The following PCBP3 variants were observed in gnomAD, a reference collection of about 807,000 sequenced individuals.
The protein encoded by PCBP3 is poly(rC) binding protein 3.
PCBP3 carries 25 observed loss-of-function variants against 52.7 expected under a neutral mutation model. That is an observed-to-expected ratio of 0.47 (90% CI 0.35 to 0.66). The LOEUF (loss-of-function observed/expected upper bound fraction) is 0.66. Ranked by LOEUF, PCBP3 falls within the 30% of genes least tolerant of loss-of-function variation. PCBP3 has a pLI of 0.01. For missense variants in PCBP3, 391 were observed against 490.3 expected (o/e 0.80, Z 1.91); for synonymous variants, 162 against 183.0 (o/e 0.89, Z 0.93).
chr21:45,692,376 C>T (rs1004610921), intron 2 of PCBP3, among the ~76,000 whole-genome samples: 4 of 151,196 alleles, frequency 2.6e-5, no homozygotes, highest in African/African-American at 7.3e-5. Flanking sequence ...TCTATGAGCT[C>T]ATAGCTAGAA....
At chr21:45,868,021 A>C (rs1286477046) in intron 5 of PCBP3, among the ~76,000 whole-genome samples, 5 of 152,270 alleles carry the variant, frequency 3.3e-5, no homozygotes, top group African/African-American at 1.2e-4. Flanking sequence ...GCTGGCAGCC[A>C]GGGGGTCTGG....
At chr21:45,700,947 CT>C (rs1474448635) in intron 2 of PCBP3, among the ~76,000 whole-genome samples, 1 of 152,188 alleles carries the variant, frequency 6.6e-6, no homozygotes, top group Non-Finnish European at 1.5e-5. Context: ...GAAAAATCAT[CT>C]GCAGTATCCC....
intron 4 of PCBP3, chr21:45,759,697 G>T (rs1252466789): frequency 1.3e-5 from 2 of 152,220 alleles, no homozygotes; most frequent in African/African-American, 2.4e-5. Context: ...AGAAAGAGAA[G>T]GGGGGACAAT....
At chr21:45,941,581 A>G in intron 17 of PCBP3, 89 bp from the exon 18 acceptor site, 1 of 1,223,850 alleles carries the variant, frequency 8.2e-7, no homozygotes, top group Non-Finnish European at 1.2e-6. Context: ...CAGCGAGCAC[A>G]GAGGCCACAC....
At position 45,816,656 on chromosome 21, in the gene PCBP3, CAG is replaced by C. The variant is rs1181622063; in HGVS notation, c.-125-33304_-125-33303del. Reference sequence around the variant, plus strand: ...GCTGGAAGGTCCTCAGGGGCAGTAACAGGCGTGGAGCTGTCCTCTGCTGTGAT... The same window carrying C: ...GCTGGAAGGTCCTCAGGGGCAGTAACGCGTGGAGCTGTCCTCTGCTGTGAT... On this transcript the variant is annotated intron_variant, in intron 4 of 17. Coordinates refer to ENST00000681687, the MANE Select transcript of PCBP3 (RefSeq NM_001384156.1). Among the ~76,000 whole-genome samples the C allele has an allele frequency of 3.3e-5, 5 of 150,836 alleles. 1 individual carries two copies. The highest frequency in any genetic ancestry group is 3.3e-4 in the Admixed American group (5 of 15,102).
chr21:45,724,841 G>C lies in PCBP3; in HGVS notation c.-199-10551G>C, dbSNP rs1255679246. Among the ~76,000 whole-genome samples the C allele has an allele frequency of 6.6e-6, 1 of 152,172 alleles. No homozygotes were observed. Among genetic ancestry groups the C allele is most frequent in the African/African-American group, 2.4e-5 (1 of 41,438 alleles). ...TGAGAAAGTGGGTGGCAGGAGGACAGGACGGCCTCTCTGTGAGGGAGGCAC... is the reference window on the plus strand; with the variant it reads ...TGAGAAAGTGGGTGGCAGGAGGACACGACGGCCTCTCTGTGAGGGAGGCAC... On this transcript the variant is annotated intron_variant, in intron 2 of 17. Coordinates refer to ENST00000681687, the MANE Select transcript of PCBP3 (RefSeq NM_001384156.1). The surrounding 1 kb of genome is among the most constrained non-coding windows in gnomAD (Gnocchi z 5.3).
chr21:45,899,551 C>T lies in PCBP3; in HGVS notation c.166-48C>T, dbSNP rs1388578058. 8 of 1,534,188 alleles carry T rather than the reference C, an allele frequency of 5.2e-6. No homozygotes were observed. In the South Asian group the frequency reaches 7.9e-5, roughly 15 times the overall value. ...TAGTGTCTGCCTCCAGTGTTTTCCT[C>T]CTCCTGCTCTATGACATCATCTTTC... On this transcript the variant is annotated intron_variant, in intron 6 of 17. Coordinates refer to ENST00000681687, the MANE Select transcript of PCBP3 (RefSeq NM_001384156.1).
chr21:45,867,799 A>G (rs907917532), intron 5 of PCBP3, among the ~76,000 whole-genome samples: 1 of 152,276 alleles, frequency 6.6e-6, no homozygotes, highest in Non-Finnish European at 1.5e-5. Context: ...TCAGCCCCAC[A>G]CTGGAGGTGG....
rs1480075052 is a variant in PCBP3 at position 45,941,738 on chromosome 21, AC to A, written c.*34del. ...CCAGCACCCTTCCCCCGCGTCACCCACCTGCCAGAGCCTAAGGCCCCCGGCT... is the reference window on the plus strand; with the variant it reads ...CCAGCACCCTTCCCCCGCGTCACCCACTGCCAGAGCCTAAGGCCCCCGGCT... On this transcript the variant is annotated 3_prime_UTR_variant, in exon 18 of 18. Transcript: ENST00000681687. 1 of 1,588,888 alleles carries A rather than the reference AC, an allele frequency of 6.3e-7. No homozygotes were observed. Among genetic ancestry groups the A allele is most frequent in the Non-Finnish European group, 8.6e-7 (1 of 1,165,876 alleles).
At chr21:45,754,774 G>A (rs908048993) in intron 3 of PCBP3, among the ~76,000 whole-genome samples, 1 of 152,098 alleles carries the variant, frequency 6.6e-6, no homozygotes, top group African/African-American at 2.4e-5. Flanking sequence ...TTATTCTACT[G>A]TCTTTGGCTT....
At position 45,910,976 on chromosome 21, in the gene PCBP3, G is replaced by C; in HGVS notation, c.546G>C (p.Gly182=). The C allele has an allele frequency of 6.2e-7, 1 of 1,612,122 alleles. No homozygotes were observed. Among genetic ancestry groups the C allele is most frequent in the Non-Finnish European group, 8.5e-7 (1 of 1,179,848 alleles). The change falls in exon 11 of 18, where the codon GGG becomes GGC. Residue 182 remains glycine, a synonymous_variant. Transcript: ENST00000681687. ...CGGAGCGAGCGGTGACCATCTCGGG[G>C]ACCCCAGATGCCATCATCCAGTGCG... is the stretch of plus-strand genomic sequence containing the variant. ...NSTERAVTIS[G]TPDAIIQCVK...
intron 1 of PCBP3, among the ~76,000 whole-genome samples, chr21:45,655,175 G>A (rs1352394438): frequency 6.6e-6 from 1 of 152,020 alleles, no homozygotes; most frequent in Non-Finnish European, 1.5e-5. Context: ...ACAGTAGTAC[G>A]AGTTTTCATA....
intron 6 of PCBP3, among the ~76,000 whole-genome samples, chr21:45,899,015 C>G (rs1287579238): frequency 2.0e-5 from 3 of 152,262 alleles, no homozygotes; most frequent in Non-Finnish European, 1.5e-5. Context: ...CTTCAGGTGA[C>G]AGGCCACAGT....
intron 2 of PCBP3, among the ~76,000 whole-genome samples, chr21:45,674,333 T>A (rs1402343585): frequency 6.6e-6 from 1 of 152,208 alleles, no homozygotes; most frequent in Non-Finnish European, 1.5e-5. Flanking sequence ...CCTACACATA[T>A]CTTCCAGAGC....
intron 5 of PCBP3, among the ~76,000 whole-genome samples, chr21:45,860,173 G>A (rs576303173): frequency 8.3e-5 from 5 of 59,902 alleles, no homozygotes; most frequent in East Asian, 0.022. Context: ...CTCTCCAGCC[G>A]ACATCCGGGC....
chr21:45,762,321 GGAGA>G (rs151176049), intron 4 of PCBP3: 11 of 149,570 alleles, frequency 7.4e-5, no homozygotes, highest in East Asian at 2.0e-4. Context: ...GCAGGCGATT[GGAGA>G]GAGAGAGAGA....
At chr21:45,803,067 A>G (rs1422762196) in intron 4 of PCBP3, among the ~76,000 whole-genome samples, 3 of 152,224 alleles carry the variant, frequency 2.0e-5, no homozygotes, top group Non-Finnish European at 2.9e-5. Flanking sequence ...TTCTTTATCT[A>G]TTCGTTGGAA....
chr21:45,708,181 A>G (rs2148091993), intron 2 of PCBP3, among the ~76,000 whole-genome samples: 1 of 152,248 alleles, frequency 6.6e-6, no homozygotes, highest in Non-Finnish European at 1.5e-5. Flanking sequence ...TGAAAGGAGG[A>G]TGTTTGGGAT....
At chr21:45,747,146 A>C (rs1412447666) in intron 3 of PCBP3, among the ~76,000 whole-genome samples, 2 of 152,152 alleles carry the variant, frequency 1.3e-5, no homozygotes, top group Non-Finnish European at 2.9e-5. Flanking sequence ...ACAAAGGAGG[A>C]TCAAAGGTGC....
Sources: allele counts gnomAD v4.1 joint callset (sites outside exome capture counted in the v4.1 genomes callset), GRCh38; gene constraint gnomAD v4.1.1; non-coding constraint Gnocchi (gnomAD v3.1); transcripts MANE v1.5; gene names NCBI Gene and HGNC (gene_info 2026-07-23, HGNC 2026-07-21).